Variants in VWA3A observed in about 807,000 individuals in gnomAD.
VWA3A encodes the protein von Willebrand factor A domain-containing protein 3A.
Under a neutral mutation model 160.4 loss-of-function variants are expected in VWA3A, and 134 were observed. The ratio of observed to expected loss-of-function variants is 0.84; its 90% CI spans 0.73 to 0.96. The LOEUF (loss-of-function observed/expected upper bound fraction) is 0.96. Ranked by LOEUF, VWA3A falls within the 40% of genes least tolerant of loss-of-function variation. The probability of loss-of-function intolerance (pLI) is 0.00; values close to 1 mark genes in which losing one functional copy is unlikely to be tolerated. For synonymous variants in VWA3A, 476 were observed against 543.4 expected, an observed-to-expected ratio of 0.88 and a Z score of 1.72; for missense variants, 1,310 against 1,447.9, an observed-to-expected ratio of 0.90 and a Z score of 1.55.
chr16:22,118,005 G>T (rs1368706756), intron 11 of VWA3A, among the ~76,000 whole-genome samples: 1 of 152,194 alleles, frequency 6.6e-6, no homozygotes, highest in Admixed American at 6.5e-5. Context: ...GCTTGACCAG[G>T]CATGGTGGCT....
chr16:22,093,120 C>T (rs1278459432), intron 1 of VWA3A, among the ~76,000 whole-genome samples: 11 of 152,046 alleles, frequency 7.2e-5, no homozygotes, highest in Non-Finnish European at 7.4e-5. Flanking sequence ...TGCATTTATT[C>T]AACAAATGTT....
intron 20 of VWA3A, among the ~76,000 whole-genome samples, chr16:22,133,488 A>T (rs1289318752): frequency 1.3e-5 from 2 of 151,994 alleles, no homozygotes; most frequent in Non-Finnish European, 2.9e-5. Context: ...TCTATTAAAA[A>T]TACAAAAAAA....
intron 27 of VWA3A, among the ~76,000 whole-genome samples, chr16:22,146,740 T>C (rs1359866310): frequency 6.7e-6 from 1 of 150,034 alleles, no homozygotes; most frequent in Non-Finnish European, 1.5e-5. Context: ...CTGCACTCCA[T>C]CCTGGGCAAC....
At chr16:22,126,555 A>C (rs1016625151) in intron 17 of VWA3A, among the ~76,000 whole-genome samples, 2 of 152,140 alleles carry the variant, frequency 1.3e-5, no homozygotes, top group Non-Finnish European at 2.9e-5. Flanking sequence ...AGGATAAAGT[A>C]ATTCAGCCCA....
At chr16:22,136,895 G>GCGCACA (rs1555459603) in intron 21 of VWA3A, among the ~76,000 whole-genome samples, 11 of 142,682 alleles carry the variant, frequency 7.7e-5, no homozygotes, top group African/African-American at 2.4e-4. Flanking sequence ...ACACACACAC[G>GCGCACA]CACACACACA....
In VWA3A at chr16:22,142,669, C is replaced by A. The variant is rs1458857009; in HGVS notation, c.2496C>A (p.Gly832=). The A allele has an allele frequency of 9.6e-6, 15 of 1,561,562 alleles. No individual in the cohort carries two copies. The highest frequency in any genetic ancestry group is 1.3e-5 in the Non-Finnish European group (15 of 1,151,826). Residue 832 remains glycine, a splice_region_variant and synonymous_variant, in exon 25 of 34, where the codon GGC becomes GGA. Transcript: ENST00000389398. ...LFYTEKGNDV[G]SVYKKYPQGR... ...ATGACCTCACTCTGCTTCTTCTAGG[C>A]TCAGTGTACAAGAAGTACCCTCAAG...
intron 31 of VWA3A, 84 bp downstream of exon 31, chr16:22,152,718 T>G: frequency 6.6e-7 from 1 of 1,523,322 alleles, no homozygotes; most frequent in East Asian, 2.5e-5. Flanking sequence ...CTTCTTGAAC[T>G]CCTGGGCTCA....
intron 31 of VWA3A, 67 bp downstream of exon 31, chr16:22,152,701 G>T: frequency 6.5e-7 from 1 of 1,542,518 alleles, no homozygotes; most frequent in Non-Finnish European, 8.7e-7. Context: ...ACAGGCATGG[G>T]GTTTTCCTTC....
In VWA3A at chr16:22,123,269, C is replaced by G; in HGVS notation, c.1437+104C>G. On this transcript the variant is annotated intron_variant, in intron 15 of 33. Coordinates refer to ENST00000389398, the MANE Select transcript of VWA3A (RefSeq NM_173615.5). Reference sequence around the variant, plus strand: ...CACCAAGCCATTGACTCAACTCCCTCTTGTAAAGAGGGACTGTGTGCTCCA... The same window carrying G: ...CACCAAGCCATTGACTCAACTCCCTGTTGTAAAGAGGGACTGTGTGCTCCA... 2.5e-6 allele frequency: 3 copies of G among 1,221,478 alleles called. No individual in the cohort carries two copies. In the South Asian group the frequency reaches 4.1e-5, roughly 17 times the overall value. The allele number at this position is 1,221,478 out of a possible 1,614,324, so 75.7% of individuals were successfully genotyped here. A position where few individuals can be genotyped will look rare whatever the true frequency, so the allele number is the denominator to read the frequency against.
chr16:22,129,403 AAAGAAAG>A (rs1414003825), intron 17 of VWA3A, among the ~76,000 whole-genome samples: 2 of 56,094 alleles, frequency 3.6e-5, no homozygotes, highest in African/African-American at 2.3e-4. Flanking sequence ...AAAAAAAAAA[AAAGAAAG>A]AAAGAAAGAA....
intron 19 of VWA3A, 53 bp from the exon 20 acceptor site, chr16:22,132,847 A>G (rs1424320489): frequency 6.4e-7 from 1 of 1,564,148 alleles, no homozygotes; most frequent in Non-Finnish European, 8.7e-7. Context: ...CCAGAGCCCC[A>G]CAGCTTCAAG....
At chr16:22,121,136 C>T in intron 13 of VWA3A, 33 bp downstream of exon 13, 1 of 1,613,398 alleles carries the variant, frequency 6.2e-7, no homozygotes, top group Admixed American at 1.7e-5. Context: ...ACCCAGGAAA[C>T]AGGTGACTGA....
intron 8 of VWA3A, among the ~76,000 whole-genome samples, chr16:22,111,892 C>T (rs1009959692): frequency 5.3e-5 from 8 of 152,148 alleles, no homozygotes; most frequent in South Asian, 2.1e-4. Context: ...GCTGGGACTA[C>T]GGGTATGAGA....
At chr16:22,146,493 A>G (rs2046253552) in intron 27 of VWA3A, 149 bp downstream of exon 27, 9 of 659,432 alleles carry the variant, frequency 1.4e-5, no homozygotes, top group Non-Finnish European at 2.3e-5. Flanking sequence ...CACATACAAC[A>G]TGACACTGGG....
chr16:22,125,625 A>T (rs188914720), intron 16 of VWA3A, among the ~76,000 whole-genome samples: 2 of 151,802 alleles, frequency 1.3e-5, no homozygotes, highest in African/African-American at 2.4e-5. Context: ...GGGTTTCACC[A>T]TGTTAGCCAG....
intron 1 of VWA3A, among the ~76,000 whole-genome samples, chr16:22,094,967 CAAAA>C (rs565358806): frequency 9.1e-5 from 6 of 66,048 alleles, no homozygotes; most frequent in African/African-American, 2.4e-4. Context: ...GACTCCGTCT[CAAAA>C]AAAAAAAAAA....
Position 22,146,236 on chromosome 16 carries a change from G to A in VWA3A, c.2731G>A (p.Gly911Arg), listed in dbSNP as rs372479989. Residue 911 changes from glycine to arginine, a missense_variant and splice_region_variant, in exon 27 of 34, where the codon GGA becomes AGA. By Grantham distance (125) the Gly-to-Arg change is moderately radical. Coordinates refer to ENST00000389398, the MANE Select transcript of VWA3A (RefSeq NM_173615.5). Reference sequence around the variant, plus strand: ...CTTGCCTCTGCTTGCCTTAACCCAGGGAGTGGTGAGACACATCCAGTGGAC... The same window carrying A: ...CTTGCCTCTGCTTGCCTTAACCCAGAGAGTGGTGAGACACATCCAGTGGAC... ...CSIFPSVEIH[G>R]VVRHIQWTPR... The A allele has an allele frequency of 6.9e-5, 111 of 1,612,916 alleles. No individual in the cohort carries two copies. Among genetic ancestry groups the A allele is most frequent in the Non-Finnish European group, 8.8e-5 (104 of 1,179,376 alleles).
intron 1 of VWA3A, among the ~76,000 whole-genome samples, chr16:22,094,536 T>C (rs1298425535): frequency 2.0e-5 from 3 of 151,822 alleles, no homozygotes; most frequent in Non-Finnish European, 4.4e-5. Flanking sequence ...ATTTTTTTGG[T>C]TGCAAATAAC....
At chr16:22,116,893 G>T (rs930257060) in intron 10 of VWA3A, 26 bp downstream of exon 10, 1 of 1,601,830 alleles carries the variant, frequency 6.2e-7, no homozygotes, top group East Asian at 2.2e-5. Flanking sequence ...TCTCTGAGGT[G>T]CCCCTTGGCT....
Sources: allele counts gnomAD v4.1 joint callset (sites outside exome capture counted in the v4.1 genomes callset), GRCh38; gene constraint gnomAD v4.1.1; transcripts MANE v1.5; gene names NCBI Gene and HGNC (gene_info 2026-07-23, HGNC 2026-07-21).